POLR3F: variants seen among roughly 807,000 people sequenced by gnomAD.
The protein encoded by POLR3F is DNA-directed RNA polymerase III subunit RPC6.
A neutral mutation model predicts 43.6 loss-of-function variants in POLR3F; 31 were observed. That is an observed-to-expected ratio of 0.71 (90% CI 0.53 to 0.96). POLR3F has a LOEUF of 0.96. POLR3F is among the 40% of genes least tolerant of loss of function. POLR3F has a pLI of 0.00. For missense variants in POLR3F, 316 were observed against 391.7 expected (o/e 0.81, Z 1.63); for synonymous variants, 114 against 132.5 (o/e 0.86, Z 0.96).
rs2059823875 is a variant in POLR3F, at chr20:18,483,900, A to C, written c.*342A>C. On this transcript the variant is annotated 3_prime_UTR_variant, in exon 9 of 9. Coordinates refer to ENST00000377603, the MANE Select transcript of POLR3F (RefSeq NM_006466.4). ...TACCAAGTACTATGATAATGGCTAG[A>C]GTATAAAAATGTTCTTTTTAAAGTT... 1 of 394,546 alleles carries C rather than the reference A, an allele frequency of 2.5e-6. No homozygotes were observed. The highest frequency in any genetic ancestry group is 3.6e-5 in the East Asian group (1 of 27,834). The allele number at this position is 394,546 out of a possible 1,614,324, so 24.4% of individuals were successfully genotyped here. A position where few individuals can be genotyped will look rare whatever the true frequency, so the allele number is the denominator to read the frequency against.
chr20:18,482,545 T>G (rs935929498), intron 8 of POLR3F, among the ~76,000 whole-genome samples: 1 of 152,108 alleles, frequency 6.6e-6, no homozygotes, highest in Admixed American at 6.6e-5. Flanking sequence ...TAGGAAGACA[T>G]AGGGGCATAC....
chr20:18,481,888 C>T (rs1367216392), intron 8 of POLR3F, 78 bp downstream of exon 8: 2 of 858,080 alleles, frequency 2.3e-6, no homozygotes, highest in African/African-American at 1.7e-5. Context: ...GCAAGCACAG[C>T]CCAGTTTTCT....
chr20:18,473,042 C>T, intron 3 of POLR3F, 133 bp downstream of exon 3: 1 of 450,282 alleles, frequency 2.2e-6, no homozygotes, highest in South Asian at 5.8e-5. Context: ...TATTCCATTT[C>T]CCAGAGGTAA....
In POLR3F at chr20:18,468,942, A is replaced by G. The variant is rs138924583; in HGVS notation, c.63-2A>G. 3 of 1,346,804 alleles carry G rather than the reference A, an allele frequency of 2.2e-6. No individual in the cohort carries two copies. The African/African-American group carries it at 4.3e-5, about 19-fold the overall frequency. The allele number at this position is 1,346,804 out of a possible 1,614,324, so 83.4% of individuals were successfully genotyped here. On this transcript the variant is annotated splice_acceptor_variant, in intron 1 of 8. Transcript: ENST00000377603. LOFTEE classifies it high-confidence loss of function. Reference sequence around the variant, plus strand: ...GGATAACATTAATACCTTTGTTTCTAGGATTATAGAATTATGTCACCAGTT... The same window carrying G: ...GGATAACATTAATACCTTTGTTTCTGGGATTATAGAATTATGTCACCAGTT...
intron 6 of POLR3F, 85 bp downstream of exon 6, chr20:18,480,266 A>T: frequency 1.4e-6 from 2 of 1,383,046 alleles, no homozygotes; most frequent in Non-Finnish European, 2.0e-6. Flanking sequence ...ATCATATTTT[A>T]TAGGAATTAA....
Position 18,483,481 on chromosome 20 carries a change from GT to G in POLR3F, c.879del (p.Phe293LeufsTer18). 1.0e-5 allele frequency: 15 copies of G among 1,453,646 alleles called. No individual in the cohort carries two copies. The highest frequency in any genetic ancestry group is 3.8e-5 in the South Asian group (3 of 79,554). The allele number at this position is 1,453,646 out of a possible 1,614,324, so 90.0% of individuals were successfully genotyped here. A position where few individuals can be genotyped will look rare whatever the true frequency, so the allele number is the denominator to read the frequency against. On this transcript the variant is annotated frameshift_variant and splice_region_variant, in exon 9 of 9. Transcript: ENST00000377603. LOFTEE classifies it high-confidence loss of function. ...LVRAPCGLCPVFDDCHEGGEI... is the reference protein window; with the variant it reads ...LVRAPCGLCPXFDDCHEGGEI... ...TATAATTTTTTTTTCTTTTTTAAAGGTTTTTGATGACTGCCACGAAGGTGGT... is the reference window on the plus strand; with the variant it reads ...TATAATTTTTTTTTCTTTTTTAAAGGTTTTGATGACTGCCACGAAGGTGGT...
chr20:18,467,471 G>T lies in POLR3F; in HGVS notation c.-36G>T, dbSNP rs368449434. 392 of 1,612,846 alleles carry T rather than the reference G, an allele frequency of 2.4e-4. No individual in the cohort carries two copies. The highest frequency in any genetic ancestry group is 3.0e-4 in the Non-Finnish European group (351 of 1,178,894). Reference sequence around the variant, plus strand: ...CCGGCTTGCTACCGGGCTGCTCCGTGCATCTTTCCCCCCAGGCGTCAGGAA... The same window carrying T: ...CCGGCTTGCTACCGGGCTGCTCCGTTCATCTTTCCCCCCAGGCGTCAGGAA... On this transcript the variant is annotated 5_prime_UTR_variant, in exon 1 of 9. Transcript: ENST00000377603.
intron 5 of POLR3F, among the ~76,000 whole-genome samples, chr20:18,478,240 T>C (rs1218029285): frequency 6.6e-6 from 1 of 150,782 alleles, no homozygotes; most frequent in Non-Finnish European, 1.5e-5. Context: ...TTTTGAGACA[T>C]GGTCTGGCTC....
chr20:18,482,189 A>G (rs1000081128), intron 8 of POLR3F, among the ~76,000 whole-genome samples: 1 of 151,810 alleles, frequency 6.6e-6, no homozygotes, highest in Admixed American at 6.6e-5. Context: ...GGGTTTCACC[A>G]TGTTGGCCAG....
intron 2 of POLR3F, among the ~76,000 whole-genome samples, chr20:18,471,287 C>A (rs1366137740): frequency 6.6e-6 from 1 of 152,128 alleles, no homozygotes; most frequent in Non-Finnish European, 1.5e-5. Flanking sequence ...TTAGAAGGTT[C>A]TTCTTATTCT....
rs762051288 is a variant in POLR3F at position 18,472,917 on chromosome 20, C to T, written c.248+8C>T. ...GGACTCTCAGAATGCTGGGTAAGTA[C>T]TTGTTTTTTTAATTTTAAGAAAATG... On this transcript the variant is annotated splice_region_variant and intron_variant, in intron 3 of 8. Coordinates refer to ENST00000377603, the MANE Select transcript of POLR3F (RefSeq NM_006466.4). The T allele has an allele frequency of 3.8e-6, 5 of 1,299,478 alleles. No homozygotes were observed. The South Asian group carries it at 6.5e-5, about 17-fold the overall frequency. The allele number at this position is 1,299,478 out of a possible 1,614,324, so 80.5% of individuals were successfully genotyped here.
chr20:18,472,807 A>C (rs1423357254), intron 2 of POLR3F, 35 bp from the exon 3 acceptor site: 1 of 906,802 alleles, frequency 1.1e-6, no homozygotes, highest in Non-Finnish European at 1.7e-6. Flanking sequence ...TCTCCAAAAT[A>C]ACTGACTCCT....
intron 7 of POLR3F, among the ~76,000 whole-genome samples, chr20:18,481,092 T>C (rs981893207): frequency 2.0e-5 from 3 of 152,168 alleles, no homozygotes; most frequent in Non-Finnish European, 4.4e-5. Context: ...TACCAGAAAG[T>C]GTCAAACTCA....
At position 18,484,092 on chromosome 20, in the gene POLR3F, G is replaced by A. The variant is rs1021734646; in HGVS notation, c.*534G>A. The A allele has an allele frequency of 3.8e-5, 15 of 398,292 alleles. No individual in the cohort carries two copies. The highest frequency in any genetic ancestry group is 5.3e-5 in the Non-Finnish European group (12 of 226,040). The allele number at this position is 398,292 out of a possible 1,614,324, so 24.7% of individuals were successfully genotyped here. ...GTATGACTGGGGGAGAGTGGAACAT[G>A]CCTTTTCCGCACAATATTAATTCCT... On this transcript the variant is annotated 3_prime_UTR_variant, in exon 9 of 9. Coordinates refer to ENST00000377603, the MANE Select transcript of POLR3F (RefSeq NM_006466.4).
At chr20:18,469,299 A>G in intron 2 of POLR3F, 1 of 454,352 alleles carries the variant, frequency 2.2e-6, no homozygotes. Flanking sequence ...CATCCAATCC[A>G]TTCAGGGCCT....
intron 5 of POLR3F, among the ~76,000 whole-genome samples, chr20:18,476,877 C>G (rs1334409705): frequency 6.6e-6 from 1 of 152,136 alleles, no homozygotes; most frequent in African/African-American, 2.4e-5. Flanking sequence ...GAGTTCAAGT[C>G]TAGCCTCACC....
chr20:18,473,473 G>A lies in POLR3F; in HGVS notation c.316+15G>A. On this transcript the variant is annotated intron_variant, in intron 4 of 8. Coordinates refer to ENST00000377603, the MANE Select transcript of POLR3F (RefSeq NM_006466.4). ...AGGAAATAAAGGTAAGCATGTGAAA[G>A]ATGAAGCAGAAAAAAACATTGTCTT... 1 of 1,313,234 alleles carries A rather than the reference G, an allele frequency of 7.6e-7. No homozygotes were observed. Among genetic ancestry groups the A allele is most frequent in the African/African-American group, 1.5e-5 (1 of 68,952 alleles). 81.3% of individuals were successfully genotyped at this position (1,313,234 alleles called of 1,614,324 possible).
At position 18,475,892 on chromosome 20, in the gene POLR3F, C is replaced by T. The variant is rs2059777339; in HGVS notation, c.429+705C>T. 3.3e-5 allele frequency among the ~76,000 whole-genome samples: 5 copies of T among 152,146 alleles called. 2 individuals carry two copies. In the South Asian group the frequency reaches 1.0e-3, roughly 31 times the overall value. On this transcript the variant is annotated intron_variant, in intron 5 of 8. Transcript: ENST00000377603. ...AAAACAAGAATTATAAGAATTATAA[C>T]ATCACTTATAAGAATTTGATGCTTA...
intron 1 of POLR3F, among the ~76,000 whole-genome samples, chr20:18,468,223 C>T (rs552331999): frequency 1.3e-5 from 2 of 152,234 alleles, no homozygotes; most frequent in East Asian, 3.9e-4. Context: ...ACTACAGGCT[C>T]GCGCCACCAC....
Sources: gnomAD v4.1 joint callset for allele counts (sites outside exome capture counted in the v4.1 genomes callset) on GRCh38, gnomAD v4.1.1 for gene constraint, MANE v1.5 for transcripts, NCBI Gene and HGNC (gene_info 2026-07-23, HGNC 2026-07-21) for gene names.